Variants in BRINP3 observed in about 807,000 individuals in gnomAD.
BRINP3 encodes the protein BMP/retinoic acid-inducible neural-specific protein 3.
In BRINP3, 19 loss-of-function variants were observed where a neutral mutation model predicts 71.0. That is an observed-to-expected ratio of 0.27 (90% CI 0.19 to 0.39). The LOEUF (loss-of-function observed/expected upper bound fraction) is 0.39. BRINP3 is among the 10% of genes least tolerant of loss of function. The pLI, the probability that BRINP3 is intolerant of heterozygous loss-of-function variation, is 1.00. For synonymous variants in BRINP3, 380 were observed against 337.7 expected (o/e 1.13, Z -1.37); for missense variants, 959 against 940.8 (o/e 1.02, Z -0.25).
intron 6 of BRINP3, among the ~76,000 whole-genome samples, chr1:190,220,733 A>G (rs1656810252): frequency 6.6e-6 from 1 of 152,104 alleles, no homozygotes; most frequent in Admixed American, 6.6e-5. Context: ...ACAAAAATGG[A>G]GAGAATTTAC....
chr1:190,442,801 C>T (rs1193685113), intron 2 of BRINP3, among the ~76,000 whole-genome samples: 1 of 132,734 alleles, frequency 7.5e-6, no homozygotes, highest in East Asian at 2.4e-4. Context: ...CATGCCTGTG[C>T]GTGTGTGTGT....
chr1:190,113,282 C>T (rs1314060462), intron 7 of BRINP3, among the ~76,000 whole-genome samples: 2 of 152,126 alleles, frequency 1.3e-5, no homozygotes, highest in African/African-American at 4.8e-5. Flanking sequence ...CACTCCTCCT[C>T]ATCCTCCCTC....
At chr1:190,245,250 T>C (rs980836780) in intron 4 of BRINP3, among the ~76,000 whole-genome samples, 6 of 151,394 alleles carry the variant, frequency 4.0e-5, no homozygotes, top group Admixed American at 1.3e-4. Context: ...CTTTTCTTTT[T>C]TTTTTTTCAG....
At chr1:190,108,458 T>C (rs1652382069) in intron 7 of BRINP3, among the ~76,000 whole-genome samples, 1 of 151,796 alleles carries the variant, frequency 6.6e-6, no homozygotes, top group African/African-American at 2.4e-5. Flanking sequence ...CAGTAAAATG[T>C]GGTCCTGTTT....
chr1:190,108,911 T>C (rs7412309), intron 7 of BRINP3, among the ~76,000 whole-genome samples: 7,899 of 151,914 alleles, frequency 0.052, 300 homozygotes, highest in South Asian at 0.16. Context: ...GCAATACAAA[T>C]GAGAGCCTTT....
intron 3 of BRINP3, among the ~76,000 whole-genome samples, chr1:190,268,085 A>C (rs967954707): frequency 5.9e-5 from 9 of 152,160 alleles, no homozygotes; most frequent in African/African-American, 2.2e-4. Flanking sequence ...TCTCATGACC[A>C]ATAGGATAAT....
intron 7 of BRINP3, among the ~76,000 whole-genome samples, chr1:190,104,916 A>G (rs536832444): frequency 1.8e-3 from 278 of 152,202 alleles, no homozygotes; most frequent in Admixed American, 6.0e-3. Flanking sequence ...CCTAAACTAT[A>G]TAATTTCAGA....
Position 190,160,704 on chromosome 1 carries a change from C to T in BRINP3, c.1148G>A (p.Cys383Tyr). 1 of 1,613,364 alleles carries T rather than the reference C, an allele frequency of 6.2e-7. No individual in the cohort carries two copies. The highest frequency in any genetic ancestry group is 1.1e-5 in the South Asian group (1 of 91,054). The change falls in exon 7 of 8, where the codon TGT (cysteine) becomes TAT (tyrosine). Residue 383 changes from cysteine to tyrosine, a missense_variant. Transcript: ENST00000367462. The stretch of plus-strand genomic sequence containing the variant: ...CAGGCTGATGAGGGGTTGTTTATGA[C>T]ACCTCTTGCTAAGGCTAAAAAGCTT... ...VHKLFSLSKR[C>Y]HKQPLISLPR...
intron 7 of BRINP3, among the ~76,000 whole-genome samples, chr1:190,137,024 A>G (rs1279270619): frequency 1.3e-5 from 2 of 152,152 alleles, no homozygotes; most frequent in Admixed American, 1.3e-4. Flanking sequence ...ATGAGTAGGT[A>G]TCACTGTTCC....
At chr1:190,349,364 TGAA>T (rs1162360319) in intron 2 of BRINP3, among the ~76,000 whole-genome samples, 1 of 152,044 alleles carries the variant, frequency 6.6e-6, no homozygotes, top group Non-Finnish European at 1.5e-5. Context: ...AGTAGGGAAG[TGAA>T]GAAGGAGAAA....
chr1:190,134,387 G>A (rs1050477542), intron 7 of BRINP3, among the ~76,000 whole-genome samples: 9 of 151,962 alleles, frequency 5.9e-5, no homozygotes, highest in Admixed American at 3.3e-4. Flanking sequence ...TATGTTAGTC[G>A]TAAGAAACAG....
chr1:190,210,936 C>T (rs969460439), intron 6 of BRINP3, among the ~76,000 whole-genome samples: 9 of 152,044 alleles, frequency 5.9e-5, no homozygotes, highest in Non-Finnish European at 1.2e-4. Flanking sequence ...TCTCCTGTGC[C>T]GGGTGCTTTC....
At chr1:190,308,514 G>T (rs999326145) in intron 2 of BRINP3, among the ~76,000 whole-genome samples, 1 of 151,462 alleles carries the variant, frequency 6.6e-6, no homozygotes, top group East Asian at 2.0e-4. Flanking sequence ...AGGGGGGAGG[G>T]ATAGCATTAG....
At chr1:190,099,953 A>C (rs1019588120) in intron 7 of BRINP3, among the ~76,000 whole-genome samples, 6 of 152,144 alleles carry the variant, frequency 3.9e-5, no homozygotes, top group Non-Finnish European at 8.8e-5. Context: ...TGGTGTCTTA[A>C]AACCAGTAAA....
intron 7 of BRINP3, among the ~76,000 whole-genome samples, chr1:190,159,205 T>C (rs990872767): frequency 2.0e-5 from 3 of 152,078 alleles, no homozygotes; most frequent in African/African-American, 7.2e-5. Flanking sequence ...TATAACCAAA[T>C]TGATACAAAA....
intron 6 of BRINP3, among the ~76,000 whole-genome samples, chr1:190,170,038 C>T (rs1651877395): frequency 6.6e-6 from 1 of 152,008 alleles, no homozygotes; most frequent in Admixed American, 6.6e-5. Flanking sequence ...AAGTAAGGCT[C>T]CTGCCTTAAT....
At chr1:190,446,807 A>G (rs1675248631) in intron 2 of BRINP3, among the ~76,000 whole-genome samples, 1 of 152,052 alleles carries the variant, frequency 6.6e-6, no homozygotes. Flanking sequence ...AAAAGAATAC[A>G]TGCCTCCTTG....
chr1:190,132,265 C>T (rs1304886969), intron 7 of BRINP3, among the ~76,000 whole-genome samples: 2 of 152,008 alleles, frequency 1.3e-5, no homozygotes, highest in Non-Finnish European at 2.9e-5. Flanking sequence ...TAAATCTTAC[C>T]TAACATTATA....
At chr1:190,287,278 G>C (rs1663505339) in intron 2 of BRINP3, among the ~76,000 whole-genome samples, 1 of 151,916 alleles carries the variant, frequency 6.6e-6, no homozygotes, top group Admixed American at 6.6e-5. Flanking sequence ...TCTCACAAAT[G>C]ACACTGTTTT....
Sources: gnomAD v4.1 joint callset for allele counts (sites outside exome capture counted in the v4.1 genomes callset) on GRCh38, gnomAD v4.1.1 for gene constraint, MANE v1.5 for transcripts, NCBI Gene and HGNC (gene_info 2026-07-23, HGNC 2026-07-21) for gene names.